Variants in NLRP13 observed in about 807,000 individuals in gnomAD.
NLRP13 encodes NLR family pyrin domain containing 13.
Under a neutral mutation model 94.4 loss-of-function variants are expected in NLRP13, and 82 were observed. The observed-to-expected ratio is 0.87, with a 90% CI of 0.73 to 1.04. The LOEUF (loss-of-function observed/expected upper bound fraction) is 1.04, where lower values mean the gene tolerates loss of function less well. Ranked by LOEUF, NLRP13 falls within the 50% of genes least tolerant of loss-of-function variation. The pLI is 0.00. For synonymous variants in NLRP13, 553 were observed against 464.7 expected, an observed-to-expected ratio of 1.19 and a Z score of -2.45; for missense variants, 1,426 against 1,230.8, an observed-to-expected ratio of 1.16 and a Z score of -2.37.
At chr19:55,902,999 TA>T (rs972733733) in intron 8 of NLRP13, among the ~76,000 whole-genome samples, 29 of 151,020 alleles carry the variant, frequency 1.9e-4, no homozygotes, top group Non-Finnish European at 3.5e-4. Flanking sequence ...CATAATTATA[TA>T]ATTACAATTA....
chr19:55,908,993 G>A (rs367560901), intron 6 of NLRP13, among the ~76,000 whole-genome samples: 1 of 152,150 alleles, frequency 6.6e-6, no homozygotes, highest in Non-Finnish European at 1.5e-5. Flanking sequence ...AATACACTGA[G>A]GTTTGAGGAA....
intron 8 of NLRP13, among the ~76,000 whole-genome samples, chr19:55,903,759 A>G (rs1986256645): frequency 1.3e-5 from 2 of 152,004 alleles, no homozygotes; most frequent in South Asian, 4.2e-4. Flanking sequence ...TCCATTGGCA[A>G]ACCCCATTGG....
In NLRP13 at chr19:55,907,880, G is replaced by A. The variant is rs1368986146; in HGVS notation, c.2359C>T (p.Leu787=). Residue 787 remains leucine (L), a synonymous_variant, in exon 7 of 11, where the codon CTG becomes TTG. Transcript: ENST00000342929. ...CCCAGCTTGTTAGAGCTGAAGTTCA[G>A]ATGGGTCAGCTTGCTGTTACCCTGA... ...ALQGNSKLTH[L]NFSSNKLGMT... 1 of 1,613,782 alleles carries A rather than the reference G, an allele frequency of 6.2e-7. No individual in the cohort carries two copies. The highest frequency in any genetic ancestry group is 1.7e-5 in the Admixed American group (1 of 60,002).
chr19:55,904,904 T>G (rs774605316), intron 8 of NLRP13, 38 bp downstream of exon 8: 10 of 1,568,734 alleles, frequency 6.4e-6, no homozygotes, highest in Non-Finnish European at 8.8e-6. Context: ...TCTGTGCCCA[T>G]AGAGTCATAT....
intron 7 of NLRP13, 38 bp downstream of exon 7, chr19:55,907,754 C>A: frequency 6.2e-7 from 1 of 1,606,466 alleles, no homozygotes; most frequent in South Asian, 1.1e-5. Flanking sequence ...GGTGGTCTTG[C>A]AACCCCCCTT....
At chr19:55,895,098 A>T (rs1255904922), downstream of NLRP13, among the ~76,000 whole-genome samples, 2 of 151,822 alleles carry the variant, frequency 1.3e-5, no homozygotes, top group Admixed American at 1.3e-4. Context: ...ATTTATATTA[A>T]AATAGGCTGG....
chr19:55,928,257 G>A (rs368476543), intron 1 of NLRP13, among the ~76,000 whole-genome samples: 7 of 152,290 alleles, frequency 4.6e-5, no homozygotes, highest in Middle Eastern at 3.4e-3. Context: ...GCCGCCATTC[G>A]AAATCAGCAA....
intron 1 of NLRP13, among the ~76,000 whole-genome samples, chr19:55,930,877 TATA>T (rs1987101729): frequency 2.3e-5 from 1 of 43,668 alleles, no homozygotes; most frequent in Admixed American, 2.3e-4. Flanking sequence ...TCAGTGATTA[TATA>T]TATATATATA....
intron 8 of NLRP13, 89 bp from the exon 9 acceptor site, chr19:55,902,294 C>A: frequency 9.1e-7 from 1 of 1,093,890 alleles, no homozygotes; most frequent in Non-Finnish European, 1.3e-6. Context: ...CCCTCCGAGC[C>A]TACACATGCA....
downstream of NLRP13, chr19:55,892,076 G>A: frequency 8.1e-7 from 1 of 1,229,790 alleles, no homozygotes; most frequent in Non-Finnish European, 1.0e-6. Context: ...CCTTCTGTGA[G>A]GTCTGTATCT....
rs752532228 is a variant in NLRP13, at chr19:55,912,734, G to T, written c.1083C>A (p.Ile361=). The change falls in exon 5 of 11, where the codon ATC becomes ATA. Residue 361 remains isoleucine, a synonymous_variant. Transcript: ENST00000342929. ...KELVPLATLL[I]TIKTWFVRDL... ...CTCTCACAAACCAGGTCTTGATCGT[G>T]ATCAGTAAGGTAGCCAGGGGAACCA... The T allele has an allele frequency of 8.7e-6, 14 of 1,614,048 alleles. No homozygotes were observed. In the South Asian group the frequency reaches 9.9e-5, roughly 11 times the overall value.
chr19:55,911,800 C>T lies in NLRP13; in HGVS notation c.2017G>A (p.Ala673Thr), dbSNP rs745458819. 17 of 1,613,730 alleles carry T rather than the reference C, an allele frequency of 1.1e-5. No homozygotes were observed. The South Asian group carries it at 1.6e-4, about 16-fold the overall frequency. The change falls in exon 5 of 11, where the codon GCT (alanine) becomes ACT (threonine). Residue 673 changes from alanine to threonine, a missense_variant. Ala to Thr is a moderately conservative substitution (Grantham distance 58). Coordinates refer to ENST00000342929, the MANE Select transcript of NLRP13 (RefSeq NM_176810.2). ...LNILEDEELQ[A>T]SSFCLKHCKR... ...CAGTGCTTTAGGCAAAATGAAGAAG[C>T]TTGGAGTTCTTCGTCCTCCAAAATA... is the stretch of plus-strand genomic sequence containing the variant.
chr19:55,922,054 A>C (rs1026488905), intron 4 of NLRP13, among the ~76,000 whole-genome samples: 1 of 152,186 alleles, frequency 6.6e-6, no homozygotes, highest in Non-Finnish European at 1.5e-5. Flanking sequence ...AGCAGGAGCA[A>C]AGACACAACT....
At chr19:55,928,210 C>G (rs897612050) in intron 1 of NLRP13, among the ~76,000 whole-genome samples, 2 of 152,148 alleles carry the variant, frequency 1.3e-5, no homozygotes. Context: ...TGTGATGTGC[C>G]CCGCCTGGCC....
chr19:55,917,700 A>G (rs1011261770), intron 4 of NLRP13, among the ~76,000 whole-genome samples: 2 of 152,092 alleles, frequency 1.3e-5, no homozygotes, highest in Non-Finnish European at 2.9e-5. Flanking sequence ...ATATAATGAT[A>G]AAGGGATCAA....
At chr19:55,907,180 G>A (rs928336184) in intron 7 of NLRP13, among the ~76,000 whole-genome samples, 5 of 151,966 alleles carry the variant, frequency 3.3e-5, no homozygotes, top group East Asian at 1.9e-4. Flanking sequence ...GGCTGGTCTC[G>A]AACTCCTGAC....
chr19:55,892,263 A>T, downstream of NLRP13: 1 of 496,456 alleles, frequency 2.0e-6, no homozygotes, highest in Middle Eastern at 5.7e-4. Flanking sequence ...GAATGATCCC[A>T]TCACCCAGGT....
chr19:55,913,937 C>G (rs577005697), intron 4 of NLRP13, among the ~76,000 whole-genome samples: 3 of 152,264 alleles, frequency 2.0e-5, no homozygotes, highest in Admixed American at 6.5e-5. Flanking sequence ...CTCACTTCCT[C>G]GAAACACTTC....
intron 1 of NLRP13, among the ~76,000 whole-genome samples, chr19:55,931,745 A>AGACAGAAAGACAGAAAGAAAG (rs1239845592): frequency 8.4e-6 from 1 of 119,456 alleles, no homozygotes; most frequent in African/African-American, 3.1e-5. Context: ...AAAGAAAGAA[A>AGACAGAAAGACAGAAAGAAAG]AAGGCTTATA....
Sources: gnomAD v4.1 joint callset for allele counts (sites outside exome capture counted in the v4.1 genomes callset) on GRCh38, gnomAD v4.1.1 for gene constraint, MANE v1.5 for transcripts, NCBI Gene and HGNC (gene_info 2026-07-23, HGNC 2026-07-21) for gene names.